DMD: variants seen among roughly 807,000 people sequenced by gnomAD.
DMD encodes the protein mutant dystrophin.
Under a neutral mutation model 330.1 loss-of-function variants are expected in DMD, and 63 were observed. The observed-to-expected ratio is 0.19, with a 90% CI of 0.16 to 0.24. The LOEUF is 0.24. Ranked by LOEUF, DMD falls within the 10% of genes least tolerant of loss-of-function variation. The pLI is 1.00. For missense variants in DMD, 3,344 were observed against 2,684.1 expected (o/e 1.25, Z -5.43); for synonymous variants, 1,223 against 959.8 (o/e 1.27, Z -5.07).
At chrX:33,258,764 A>C (rs2052901058) in intron 1 of DMD, among the ~76,000 whole-genome samples, 1 of 110,788 alleles carries the variant, frequency 9.0e-6, no homozygotes, top group African/African-American at 3.3e-5. Context: ...TTTCCTCATA[A>C]CTGTAGGATC....
intron 15 of DMD, among the ~76,000 whole-genome samples, chrX:32,573,162 C>T (rs1331222658): frequency 1.8e-5 from 2 of 111,549 alleles, no homozygotes; most frequent in African/African-American, 6.5e-5. Flanking sequence ...TCAGGATAAC[C>T]GTCGCTTGTA....
intron 44 of DMD, among the ~76,000 whole-genome samples, chrX:32,063,395 AGTC>A (rs2096241261): frequency 9.0e-6 from 1 of 111,318 alleles, no homozygotes; most frequent in African/African-American, 3.2e-5. Flanking sequence ...CTACAGTTGA[AGTC>A]TTTCTATAAT....
intron 54 of DMD, among the ~76,000 whole-genome samples, chrX:31,649,231 C>T (rs2080293381): frequency 9.0e-6 from 1 of 110,788 alleles, no homozygotes; most frequent in Non-Finnish European, 1.9e-5. Context: ...ATTGTTTTTC[C>T]TGGGAAAACT....
intron 1 of DMD, among the ~76,000 whole-genome samples, chrX:33,199,476 C>T (rs893265822): frequency 9.0e-6 from 1 of 110,687 alleles, no homozygotes; most frequent in African/African-American, 3.3e-5. Context: ...AGGTTTTGTG[C>T]GGTGAAGAGA....
intron 62 of DMD, among the ~76,000 whole-genome samples, chrX:31,320,989 T>C (rs1057264646): frequency 2.7e-5 from 3 of 111,430 alleles, no homozygotes; most frequent in Non-Finnish European, 5.7e-5. Context: ...ATAATAATCC[T>C]AAATTATATA....
chrX:32,953,721 C>T (rs1242145180), intron 2 of DMD, among the ~76,000 whole-genome samples: 1 of 112,148 alleles, frequency 8.9e-6, no homozygotes, highest in Non-Finnish European at 1.9e-5. Flanking sequence ...TAGCCCAAAT[C>T]ATCAAAGCAG....
rs1555970757 is a variant in DMD at position 31,120,870 on chromosome X, A to AATCAATC, written c.*1042_*1048dup. The stretch of plus-strand genomic sequence containing the variant: ...CTAGCAGCAGGAAGCTGAATGTATC[A>AATCAATC]ATCAATCAATCAATCAACCAACCAA... On this transcript the variant is annotated 3_prime_UTR_variant, in exon 79 of 79. Transcript: ENST00000357033. 2.9e-5 allele frequency: 3 copies of AATCAATC among 101,957 alleles called. No individual in the cohort carries two copies. Among genetic ancestry groups the AATCAATC allele is most frequent in the Admixed American group, 1.0e-4 (1 of 9,999 alleles). 8.4% of individuals were successfully genotyped at this position (101,957 alleles called of 1,213,427 possible). A position where few individuals can be genotyped will look rare whatever the true frequency, so the allele number is the denominator to read the frequency against.
Position 32,429,321 on chromosome X carries a change from T to A in DMD, c.4071+8920A>T, listed in dbSNP as rs1220876606. 4.2e-4 allele frequency among the ~76,000 whole-genome samples: 42 copies of A among 99,383 alleles called. 1 individual carries two copies. Among genetic ancestry groups the A allele is most frequent in the African/African-American group, 1.5e-3 (41 of 26,940 alleles). The allele number at this position is 99,383 out of a possible 115,157, so 86.3% of individuals were successfully genotyped here. A position where few individuals can be genotyped will look rare whatever the true frequency, so the allele number is the denominator to read the frequency against. ...GTTCCCTGGGTTCAAGTGATTCTCCTGTCTCAGCCTCCCGAGTAGTTGGGA... is the reference window on the plus strand; with the variant it reads ...GTTCCCTGGGTTCAAGTGATTCTCCAGTCTCAGCCTCCCGAGTAGTTGGGA... On this transcript the variant is annotated intron_variant, in intron 29 of 78. Coordinates refer to ENST00000357033, the MANE Select transcript of DMD (RefSeq NM_004006.3).
chrX:32,808,777 G>A (rs1353015303), intron 7 of DMD, among the ~76,000 whole-genome samples: 3 of 111,859 alleles, frequency 2.7e-5, no homozygotes, highest in African/African-American at 9.7e-5. Flanking sequence ...AAAGCCTTGA[G>A]AATTGAGAAC....
chrX:32,668,117 C>T (rs140298086), intron 9 of DMD, among the ~76,000 whole-genome samples: 1,402 of 110,565 alleles, frequency 0.013, 22 homozygotes, highest in African/African-American at 0.043. Flanking sequence ...CCACTGCATG[C>T]CAGCCTGGCG....
chrX:31,970,639 G>T (rs2095390945), intron 44 of DMD, among the ~76,000 whole-genome samples: 1 of 110,701 alleles, frequency 9.0e-6, no homozygotes, highest in Non-Finnish European at 1.9e-5. Flanking sequence ...TAAAGCCTGT[G>T]GTGTGCAATC....
chrX:31,770,447 GT>G (rs59098593), intron 51 of DMD, among the ~76,000 whole-genome samples: 151 of 110,679 alleles, frequency 1.4e-3, no homozygotes, highest in African/African-American at 4.8e-3. Flanking sequence ...GATATACTCT[GT>G]TTTTTTTCCA....
At chrX:31,592,298 A>G (rs923793574) in intron 55 of DMD, among the ~76,000 whole-genome samples, 2 of 107,180 alleles carry the variant, frequency 1.9e-5, no homozygotes, top group Admixed American at 1.0e-4. Context: ...TATATTCTAC[A>G]TATATGTAGT....
intron 7 of DMD, among the ~76,000 whole-genome samples, chrX:32,805,873 G>A (rs1263720330): frequency 2.7e-5 from 3 of 111,722 alleles, no homozygotes; most frequent in African/African-American, 6.5e-5. Flanking sequence ...CTTTAAAGAC[G>A]AGCAAATGCT....
At chrX:32,237,980 C>A (rs1455382541) in intron 43 of DMD, among the ~76,000 whole-genome samples, 1 of 112,041 alleles carries the variant, frequency 8.9e-6, no homozygotes, top group African/African-American at 3.2e-5. Flanking sequence ...CCAATCACAA[C>A]TAAACATTCT....
At position 31,138,686 on chromosome X, in the gene DMD, A is replaced by AGTGT. The variant is rs3082164; in HGVS notation, c.10922-4493_10922-4492insACAC. On this transcript the variant is annotated intron_variant, in intron 76 of 78. Coordinates refer to ENST00000357033, the MANE Select transcript of DMD (RefSeq NM_004006.3). ...GAGAGAGAGAGAGAGAGAGAGAGAG[A>AGTGT]GAAGGGGGAAGTGCCACACACTTTA... 9.8e-4 allele frequency among the ~76,000 whole-genome samples: 86 copies of AGTGT among 87,461 alleles called. 4 individuals are homozygous for AGTGT. The highest frequency in any genetic ancestry group is 6.2e-3 in the South Asian group (10 of 1,608). The allele number at this position is 87,461 out of a possible 115,157, so 75.9% of individuals were successfully genotyped here. A position where few individuals can be genotyped will look rare whatever the true frequency, so the allele number is the denominator to read the frequency against.
At chrX:33,190,874 TA>T (rs1569557953) in intron 1 of DMD, among the ~76,000 whole-genome samples, 6 of 16,628 alleles carry the variant, frequency 3.6e-4, no homozygotes, top group Non-Finnish European at 6.8e-4. Context: ...TATATATATA[TA>T]TATAATATAT....
intron 60 of DMD, among the ~76,000 whole-genome samples, chrX:31,412,679 C>G (rs935852629): frequency 1.8e-5 from 2 of 111,740 alleles, no homozygotes; most frequent in Admixed American, 1.9e-4. Context: ...AGCAGAATAG[C>G]GGAAGGAGGC....
At chrX:31,248,623 C>G (rs2049050550) in intron 63 of DMD, among the ~76,000 whole-genome samples, 1 of 111,534 alleles carries the variant, frequency 9.0e-6, no homozygotes, top group Non-Finnish European at 1.9e-5. Context: ...CAATCATTTG[C>G]TTGTTGGTTT....
Sources: allele counts gnomAD v4.1 joint callset (sites outside exome capture counted in the v4.1 genomes callset), GRCh38; gene constraint gnomAD v4.1.1; transcripts MANE v1.5; gene names NCBI Gene and HGNC (gene_info 2026-07-23, HGNC 2026-07-21).